The following PCMTD1 variants were observed in gnomAD, a reference collection of about 807,000 sequenced individuals.
PCMTD1 encodes protein-L-isoaspartate (D-aspartate) O-methyltransferase domain containing 1, also known as protein-L-isoaspartate O-methyltransferase domain-containing protein 1.
In PCMTD1, 12 loss-of-function variants were observed where a neutral mutation model predicts 37.6. The observed-to-expected ratio is 0.32, with a 90% CI of 0.20 to 0.52. The LOEUF (loss-of-function observed/expected upper bound fraction) is 0.52, where lower values mean the gene tolerates loss of function less well. Among genes scored for constraint, PCMTD1 ranks in the 20% least tolerant of loss-of-function variants. PCMTD1 has a pLI of 0.97. For missense variants in PCMTD1, 235 were observed against 421.3 expected, an observed-to-expected ratio of 0.56 and a Z score of 3.87; for synonymous variants, 117 against 135.8, an observed-to-expected ratio of 0.86 and a Z score of 0.96.
At chr8:51,861,728 T>TA (rs2038473175) in intron 1 of PCMTD1, among the ~76,000 whole-genome samples, 1 of 146,132 alleles carries the variant, frequency 6.8e-6, no homozygotes, top group Admixed American at 6.8e-5. Flanking sequence ...TTTTTTTAAT[T>TA]TTTTTTTTTT....
At chr8:51,892,980 G>T (rs569671543) in intron 1 of PCMTD1, among the ~76,000 whole-genome samples, 1 of 152,238 alleles carries the variant, frequency 6.6e-6, no homozygotes, top group Non-Finnish European at 1.5e-5. Context: ...TTTGCAACAT[G>T]TGATATATTA....
chr8:51,894,329 G>T (rs1164353722), intron 1 of PCMTD1, among the ~76,000 whole-genome samples: 1 of 152,188 alleles, frequency 6.6e-6, no homozygotes, highest in Non-Finnish European at 1.5e-5. Context: ...AAGGGGCACT[G>T]AAGTCAAATA....
intron 3 of PCMTD1, among the ~76,000 whole-genome samples, chr8:51,844,225 C>G (rs140997025): frequency 1.3e-5 from 2 of 152,124 alleles, no homozygotes; most frequent in African/African-American, 4.8e-5. Context: ...TTCTGCCAAA[C>G]GTGCTTTTCT....
At position 51,856,718 on chromosome 8, in the gene PCMTD1, T is replaced by C. The variant is rs766734409; in HGVS notation, c.307+4127A>G. ...GACATGCTACAGCATGGATGAACCC[T>C]GAAAATGTAATGCTAAGTGAAAGAA... is the stretch of plus-strand genomic sequence containing the variant. On this transcript the variant is annotated intron_variant, in intron 2 of 5. Transcript: ENST00000522514. 2.1e-4 allele frequency among the ~76,000 whole-genome samples: 32 copies of C among 152,328 alleles called. 1 individual carries two copies. Among genetic ancestry groups the C allele is most frequent in the Non-Finnish European group, 4.3e-4 (29 of 68,024 alleles).
rs533933577 is a variant in PCMTD1 at position 51,820,987 on chromosome 8, G to C, written c.707-269C>G. ...GCATAAAAGTTCTCTGGAAGCATAAGAATTTGGAAACAGGGTACATGACTG... is the reference window on the plus strand; with the variant it reads ...GCATAAAAGTTCTCTGGAAGCATAACAATTTGGAAACAGGGTACATGACTG... On this transcript the variant is annotated intron_variant, in intron 5 of 5. Coordinates refer to ENST00000522514, the MANE Select transcript of PCMTD1 (RefSeq NM_052937.4). Among the ~76,000 whole-genome samples, 10 of 152,314 alleles carry C rather than the reference G, an allele frequency of 6.6e-5. No individual in the cohort carries two copies. In the South Asian group the frequency reaches 2.1e-3, roughly 32 times the overall value.
upstream of PCMTD1, chr8:51,899,122 C>T (rs745447324): frequency 1.4e-6 from 2 of 1,408,966 alleles, no homozygotes; most frequent in South Asian, 1.4e-5. Context: ...GCGCAGAGAA[C>T]CACGGGCACA....
chr8:51,892,293 T>C (rs1428690363), intron 1 of PCMTD1, among the ~76,000 whole-genome samples: 3 of 152,166 alleles, frequency 2.0e-5, no homozygotes, highest in African/African-American at 7.2e-5. Context: ...AGATACCACG[T>C]ATCATTTCTA....
intron 1 of PCMTD1, among the ~76,000 whole-genome samples, chr8:51,876,040 A>T (rs2038708793): frequency 6.6e-6 from 1 of 152,212 alleles, no homozygotes; most frequent in African/African-American, 2.4e-5. Flanking sequence ...AATATATATA[A>T]ACTGTCTACA....
intron 1 of PCMTD1, among the ~76,000 whole-genome samples, chr8:51,891,901 G>C (rs1377855872): frequency 6.6e-6 from 1 of 151,844 alleles, no homozygotes; most frequent in Non-Finnish European, 1.5e-5. Context: ...TAAAGATTCT[G>C]ACTTTTACCA....
intron 3 of PCMTD1, among the ~76,000 whole-genome samples, chr8:51,837,171 TAAGGG>T (rs1429215588): frequency 6.6e-6 from 1 of 152,126 alleles, no homozygotes; most frequent in Non-Finnish European, 1.5e-5. Flanking sequence ...TACTTCTATC[TAAGGG>T]AAATTATTAA....
intron 1 of PCMTD1, chr8:51,896,105 T>C: frequency 6.6e-6 from 1 of 151,618 alleles, no homozygotes; most frequent in Non-Finnish European, 1.5e-5. Context: ...ACCACCAAGC[T>C]CGGCTAATTT....
At chr8:51,849,588 T>TA (rs1398368851) in intron 2 of PCMTD1, 1 of 152,406 alleles carries the variant, frequency 6.6e-6, no homozygotes, top group Admixed American at 6.5e-5. Flanking sequence ...TATCTTTACA[T>TA]AAAAAATAAT....
chr8:51,854,126 T>C (rs752251906), intron 2 of PCMTD1, among the ~76,000 whole-genome samples: 10 of 152,202 alleles, frequency 6.6e-5, no homozygotes, highest in Non-Finnish European at 1.3e-4. Flanking sequence ...TTCACATCAC[T>C]GGAGAAATTT....
intron 3 of PCMTD1, among the ~76,000 whole-genome samples, chr8:51,837,139 T>C (rs2038080467): frequency 6.6e-6 from 1 of 152,140 alleles, no homozygotes; most frequent in Non-Finnish European, 1.5e-5. Context: ...TTCCCTCCAA[T>C]GTAAAGCAGA....
At chr8:51,853,987 G>A (rs921395295) in intron 2 of PCMTD1, among the ~76,000 whole-genome samples, 3 of 152,182 alleles carry the variant, frequency 2.0e-5, no homozygotes, top group Non-Finnish European at 4.4e-5. Flanking sequence ...TAGTAAGTAC[G>A]TGAATTCTCA....
At chr8:51,895,528 A>G (rs962334881) in intron 1 of PCMTD1, among the ~76,000 whole-genome samples, 5 of 152,234 alleles carry the variant, frequency 3.3e-5, no homozygotes, top group African/African-American at 9.6e-5. Flanking sequence ...ATTTCTGGCT[A>G]CCCGTGCATA....
intron 3 of PCMTD1, among the ~76,000 whole-genome samples, chr8:51,834,737 A>G (rs919008481): frequency 6.6e-5 from 10 of 152,198 alleles, no homozygotes; most frequent in African/African-American, 1.2e-4. Flanking sequence ...TTATTACACA[A>G]TAAGTTTCCA....
rs1268787497 is a variant in PCMTD1 at position 51,817,663 on chromosome 8, C to G, written c.*2688G>C. On this transcript the variant is annotated 3_prime_UTR_variant, in exon 6 of 6. Coordinates refer to ENST00000522514, the MANE Select transcript of PCMTD1 (RefSeq NM_052937.4). Reference sequence around the variant, plus strand: ...ACAGGCTTTGCTTCACTTTTATCATCTCAAACAGCTATAAATCAACACACT... The same window carrying G: ...ACAGGCTTTGCTTCACTTTTATCATGTCAAACAGCTATAAATCAACACACT... 1 of 220,714 alleles carries G rather than the reference C, an allele frequency of 4.5e-6. No individual in the cohort carries two copies. Among genetic ancestry groups the G allele is most frequent in the African/African-American group, 2.3e-5 (1 of 42,634 alleles). 13.7% of individuals were successfully genotyped at this position (220,714 alleles called of 1,614,324 possible).
chr8:51,878,987 G>A (rs1409169796), intron 1 of PCMTD1, among the ~76,000 whole-genome samples: 2 of 152,084 alleles, frequency 1.3e-5, no homozygotes, highest in Non-Finnish European at 2.9e-5. Flanking sequence ...TTAGCCAGGT[G>A]TGGTAATGTG....
Sources: gnomAD v4.1 joint callset for allele counts (sites outside exome capture counted in the v4.1 genomes callset) on GRCh38, gnomAD v4.1.1 for gene constraint, MANE v1.5 for transcripts, NCBI Gene and HGNC (gene_info 2026-07-23, HGNC 2026-07-21) for gene names.